The following ATG7 variants were observed in gnomAD, a reference collection of about 807,000 sequenced individuals.
ATG7 encodes the protein autophagy related 7.
In ATG7, 70 loss-of-function variants were observed where a neutral mutation model predicts 82.4. That is an observed-to-expected ratio of 0.85 (90% CI 0.70 to 1.04). ATG7 has a LOEUF of 1.04. Ranked by LOEUF, ATG7 falls within the 50% of genes least tolerant of loss-of-function variation. The pLI is 0.00. For synonymous variants in ATG7, 287 were observed against 313.0 expected (o/e 0.92, Z 0.88); for missense variants, 792 against 864.3 (o/e 0.92, Z 1.05).
At chr3:11,538,874 CAAAAAA>C (rs60200228) in intron 20 of ATG7, among the ~76,000 whole-genome samples, 2 of 140,194 alleles carry the variant, frequency 1.4e-5, no homozygotes, top group Non-Finnish European at 3.0e-5. Context: ...ACTCTTGTCT[CAAAAAA>C]AAAGAAAAAG....
chr3:11,323,425 G>A (rs1301506705), intron 9 of ATG7, among the ~76,000 whole-genome samples: 7 of 152,102 alleles, frequency 4.6e-5, no homozygotes, highest in Non-Finnish European at 1.0e-4. Context: ...TTGTAGTATT[G>A]TACACATGTG....
chr3:11,567,316 C>A, the ATG7 span, among the ~76,000 whole-genome samples: 1 of 152,148 alleles, frequency 6.6e-6, no homozygotes, highest in Non-Finnish European at 1.5e-5. Flanking sequence ...ACCCTGTCAG[C>A]CCTAAACCGA....
intron 3 of ATG7, among the ~76,000 whole-genome samples, chr3:11,292,913 T>C (rs1415382270): frequency 1.3e-5 from 2 of 152,256 alleles, no homozygotes; most frequent in African/African-American, 2.4e-5. Context: ...GTTCAGTAAC[T>C]GTTAACCTTC....
intron 19 of ATG7, among the ~76,000 whole-genome samples, chr3:11,417,857 G>A (rs1373257287): frequency 7.0e-6 from 1 of 143,022 alleles, no homozygotes; most frequent in Non-Finnish European, 1.5e-5. Context: ...TATCACCCAG[G>A]CTGGAGTGCA....
At chr3:11,424,974 C>CT (rs2082239824) in intron 19 of ATG7, among the ~76,000 whole-genome samples, 1 of 108,526 alleles carries the variant, frequency 9.2e-6, no homozygotes, top group Admixed American at 8.4e-5. Flanking sequence ...GCAAAATATC[C>CT]CTTTTTTTTG....
At chr3:11,402,664 A>G (rs910620211) in intron 19 of ATG7, among the ~76,000 whole-genome samples, 21 of 152,244 alleles carry the variant, frequency 1.4e-4, no homozygotes, top group Non-Finnish European at 2.9e-5. Flanking sequence ...CTCCAAAAAT[A>G]TAAAATCACA....
intron 19 of ATG7, among the ~76,000 whole-genome samples, chr3:11,414,114 A>C (rs2081160203): frequency 6.6e-6 from 1 of 152,136 alleles, no homozygotes; most frequent in African/African-American, 2.4e-5. Context: ...CTTGTTGCCC[A>C]GGCTGGAGTG....
chr3:11,343,532 A>G (rs536253613), intron 13 of ATG7, among the ~76,000 whole-genome samples: 49 of 152,122 alleles, frequency 3.2e-4, no homozygotes, highest in Non-Finnish European at 5.6e-4. Context: ...TTCTCAGTTT[A>G]TCTAAGGTGT....
chr3:11,493,136 C>G (rs1215144867), intron 20 of ATG7, among the ~76,000 whole-genome samples: 2 of 152,180 alleles, frequency 1.3e-5, no homozygotes, highest in Non-Finnish European at 2.9e-5. Context: ...TGAATGCAGA[C>G]AATTTTATTG....
intron 10 of ATG7, chr3:11,332,677 C>A (rs1562616): frequency 1.0e-5 from 2 of 190,600 alleles, no homozygotes; most frequent in Non-Finnish European, 2.1e-5. Context: ...GCATTTTTTC[C>A]GCATTTAAAA....
intron 20 of ATG7, among the ~76,000 whole-genome samples, chr3:11,457,997 A>G (rs746468444): frequency 6.6e-6 from 1 of 152,184 alleles, no homozygotes; most frequent in Non-Finnish European, 1.5e-5. Context: ...TTGGCCCATG[A>G]TTCTAAGTGA....
At chr3:11,472,496 G>T (rs1348047734) in intron 20 of ATG7, among the ~76,000 whole-genome samples, 4 of 152,204 alleles carry the variant, frequency 2.6e-5, no homozygotes, top group Non-Finnish European at 5.9e-5. Flanking sequence ...CTAGGGTTAG[G>T]GGTGGAATAG....
rs150843968 is a variant in ATG7 at position 11,411,082 on chromosome 3, C to T, written c.1957-15722C>T. On this transcript the variant is annotated intron_variant, in intron 19 of 20. Transcript: ENST00000693202. The stretch of plus-strand genomic sequence containing the variant: ...CAGCAATGTAGAAGTCTTTTTTTAT[C>T]GTCACATGCTCATCAACACTTGTTA... 4.1e-3 allele frequency among the ~76,000 whole-genome samples: 620 copies of T among 152,152 alleles called. 3 individuals are homozygous for T. Among genetic ancestry groups the T allele is most frequent in the African/African-American group, 0.014 (587 of 41,522 alleles).
intron 19 of ATG7, among the ~76,000 whole-genome samples, chr3:11,415,083 T>G (rs1291329623): frequency 6.6e-6 from 1 of 152,266 alleles, no homozygotes; most frequent in Non-Finnish European, 1.5e-5. Context: ...AGCTTGTTGC[T>G]CCTAGGCTGC....
At chr3:11,522,269 G>C (rs1430243830) in intron 20 of ATG7, among the ~76,000 whole-genome samples, 1 of 152,192 alleles carries the variant, frequency 6.6e-6, no homozygotes. Flanking sequence ...CCACGCAGAG[G>C]CTGGCAGATC....
At chr3:11,568,984 TACA>T in the ATG7 span, 1 of 1,126,588 alleles carries the variant, frequency 8.9e-7, no homozygotes. The surrounding 1 kb of genome is among the most constrained non-coding windows in gnomAD (Gnocchi z 5.9). Context: ...AAGAGAGGCC[TACA>T]ACACCATCAT....
chr3:11,485,810 A>G (rs893117999), intron 20 of ATG7, among the ~76,000 whole-genome samples: 1 of 152,186 alleles, frequency 6.6e-6, no homozygotes, highest in Non-Finnish European at 1.5e-5. Flanking sequence ...TCCTTTCCCC[A>G]TTGCTTGCTT....
intron 20 of ATG7, among the ~76,000 whole-genome samples, chr3:11,503,989 G>GA (rs1189235146): frequency 1.3e-5 from 2 of 151,854 alleles, no homozygotes; most frequent in Admixed American, 1.3e-4. Context: ...AAACAGGCCA[G>GA]AAAAAATAAG....
intron 19 of ATG7, among the ~76,000 whole-genome samples, chr3:11,406,000 G>GTTTTTGTT (rs1559553131): frequency 2.7e-5 from 4 of 150,488 alleles, no homozygotes; most frequent in East Asian, 2.0e-4. Context: ...TTTTGTTTTT[G>GTTTTTGTT]TTTTTTGTAG....
Sources: gnomAD v4.1 joint callset for allele counts (sites outside exome capture counted in the v4.1 genomes callset) on GRCh38, gnomAD v4.1.1 for gene constraint, Gnocchi (gnomAD v3.1) non-coding constraint, MANE v1.5 for transcripts, NCBI Gene and HGNC (gene_info 2026-07-23, HGNC 2026-07-21) for gene names.